Variants in PTPRT observed in about 807,000 individuals in gnomAD.
PTPRT encodes the protein receptor-type tyrosine-protein phosphatase T.
PTPRT carries 56 observed loss-of-function variants against 176.8 expected under a neutral mutation model. The observed-to-expected ratio is 0.32, with a 90% CI of 0.26 to 0.40. PTPRT has a LOEUF of 0.40. Ranked by LOEUF, PTPRT falls within the 10% of genes least tolerant of loss-of-function variation. The probability of loss-of-function intolerance (pLI) is 1.00; values close to 1 mark genes in which losing one functional copy is unlikely to be tolerated. For synonymous variants in PTPRT, 783 were observed against 739.0 expected (o/e 1.06, Z -0.96); for missense variants, 1,540 against 1,908.2 (o/e 0.81, Z 3.60).
intron 13 of PTPRT, among the ~76,000 whole-genome samples, chr20:42,260,647 A>G (rs1235161660): frequency 6.6e-6 from 1 of 152,158 alleles, no homozygotes; most frequent in Admixed American, 6.5e-5. Context: ...AGCAGCCAGT[A>G]TAGAGCCAAG....
At chr20:42,752,510 A>C (rs775071747) in intron 6 of PTPRT, among the ~76,000 whole-genome samples, 1 of 152,138 alleles carries the variant, frequency 6.6e-6, no homozygotes, top group Non-Finnish European at 1.5e-5. Flanking sequence ...AAGGGTGGGA[A>C]CCTGTGAGGA....
At chr20:42,343,250 G>A (rs915851902) in intron 11 of PTPRT, among the ~76,000 whole-genome samples, 5 of 152,052 alleles carry the variant, frequency 3.3e-5, no homozygotes, top group South Asian at 2.1e-4. Context: ...GCCACCATTC[G>A]CCTTTCCTGG....
intron 1 of PTPRT, among the ~76,000 whole-genome samples, chr20:43,009,956 C>T (rs566149022): frequency 6.6e-6 from 1 of 152,242 alleles, no homozygotes; most frequent in South Asian, 2.1e-4. Flanking sequence ...CCAGTGTGAA[C>T]TCAACACATC....
rs977531893 is a variant in PTPRT at position 42,452,295 on chromosome 20, TAAG to T, written c.1451-3969_1451-3967del. Among the ~76,000 whole-genome samples the T allele has an allele frequency of 6.1e-5, 9 of 147,760 alleles. 1 individual carries two copies. The highest frequency in any genetic ancestry group is 2.2e-4 in the African/African-American group (9 of 40,040). On this transcript the variant is annotated intron_variant, in intron 8 of 30. Coordinates refer to ENST00000373187, the MANE Select transcript of PTPRT (RefSeq NM_007050.6). ...AAAAAAAAAAAATTCAGAATAGAGG[TAAG>T]AAGAAGAGTGAGAAAGAAAGAGGAG... is the stretch of plus-strand genomic sequence containing the variant.
intron 7 of PTPRT, among the ~76,000 whole-genome samples, chr20:42,626,172 C>A (rs1361541256): frequency 6.6e-6 from 1 of 151,966 alleles, no homozygotes; most frequent in African/African-American, 2.4e-5. Flanking sequence ...TATTTTGAGG[C>A]TCATCTAGTT....
intron 2 of PTPRT, among the ~76,000 whole-genome samples, chr20:42,836,216 G>A (rs1020813428): frequency 4.0e-5 from 6 of 151,828 alleles, no homozygotes; most frequent in Admixed American, 1.3e-4. Flanking sequence ...TCCTCTCCCC[G>A]CCTCCCACAT....
chr20:42,820,748 C>T (rs1438423205), intron 2 of PTPRT, among the ~76,000 whole-genome samples: 2 of 152,084 alleles, frequency 1.3e-5, no homozygotes, highest in Non-Finnish European at 2.9e-5. Flanking sequence ...ACTGATCCCA[C>T]AGAAATACAA....
Position 42,448,307 on chromosome 20 carries a change from T to C in PTPRT, c.1473A>G (p.Glu491=). ...CCTCAAAGGGCCCCCCTTGGATGGA[T>C]TCTAGAGGAACAGCTCCTGGAACTA... ...EEDVPGAVPL[E]SIQGGPFEEK... Residue 491 remains glutamate, a synonymous_variant, in exon 9 of 31, where the codon GAA becomes GAG. Transcript: ENST00000373187. 6.2e-7 allele frequency: 1 copy of C among 1,613,130 alleles called. No individual in the cohort carries two copies.
chr20:42,659,665 G>A (rs1000869051), intron 7 of PTPRT, among the ~76,000 whole-genome samples: 1 of 152,288 alleles, frequency 6.6e-6, no homozygotes, highest in East Asian at 1.9e-4. Flanking sequence ...ACTATAAAAG[G>A]TAATTAAGGG....
intron 7 of PTPRT, among the ~76,000 whole-genome samples, chr20:42,645,841 T>C (rs1463581504): frequency 1.3e-5 from 2 of 151,392 alleles, no homozygotes; most frequent in Non-Finnish European, 2.9e-5. Flanking sequence ...AGAATAAATA[T>C]CTTGGTCATT....
In PTPRT at chr20:42,577,964, T is replaced by C. The variant is rs574036620; in HGVS notation, c.1153+99902A>G. 7.3e-5 allele frequency among the ~76,000 whole-genome samples: 11 copies of C among 149,982 alleles called. No homozygotes were observed. The East Asian group carries it at 2.2e-3, about 30-fold the overall frequency. ...GTGTGTGTGTGTGTGTGTGTGTGTG[T>C]GTGTGTAGGCATACCCACATGTGTG... On this transcript the variant is annotated intron_variant, in intron 7 of 30. Transcript: ENST00000373187.
chr20:42,770,006 G>T (rs2077039651), intron 5 of PTPRT, among the ~76,000 whole-genome samples: 1 of 152,180 alleles, frequency 6.6e-6, no homozygotes, highest in South Asian at 2.1e-4. Flanking sequence ...CGGAACTTTG[G>T]ACGCCATGCA....
At chr20:42,767,471 G>C (rs951294360) in intron 5 of PTPRT, among the ~76,000 whole-genome samples, 2 of 152,008 alleles carry the variant, frequency 1.3e-5, no homozygotes, top group African/African-American at 4.8e-5. Context: ...CCAGCTCGCA[G>C]ATGGCAGATC....
At chr20:42,478,846 A>G (rs1568915949) in intron 7 of PTPRT, among the ~76,000 whole-genome samples, 2 of 152,314 alleles carry the variant, frequency 1.3e-5, no homozygotes, top group South Asian at 2.1e-4. Context: ...GTGAGCCCCT[A>G]GATCTCCTCA....
At chr20:42,464,716 C>A (rs2071076258) in intron 8 of PTPRT, among the ~76,000 whole-genome samples, 2 of 152,210 alleles carry the variant, frequency 1.3e-5, no homozygotes, top group African/African-American at 4.8e-5. Context: ...ATAGCTTTCA[C>A]TCTTACACTA....
At chr20:43,025,476 GT>G (rs1427197365) in intron 1 of PTPRT, among the ~76,000 whole-genome samples, 1 of 152,194 alleles carries the variant, frequency 6.6e-6, no homozygotes, top group African/African-American at 2.4e-5. Context: ...GACCCTGAGG[GT>G]TGGAGTTGGA....
chr20:42,474,175 T>C (rs546477045), intron 7 of PTPRT, among the ~76,000 whole-genome samples: 10 of 152,162 alleles, frequency 6.6e-5, no homozygotes, highest in African/African-American at 2.4e-4. Flanking sequence ...TTGAATGCCT[T>C]GTGAGTGGCA....
intron 1 of PTPRT, among the ~76,000 whole-genome samples, chr20:42,929,927 T>C (rs1979726068): frequency 6.6e-6 from 1 of 152,208 alleles, no homozygotes; most frequent in Admixed American, 6.5e-5. Context: ...ACTAAATGGG[T>C]ATTGGAATGA....
chr20:42,381,064 T>C (rs2058694330), intron 9 of PTPRT, among the ~76,000 whole-genome samples: 3 of 152,122 alleles, frequency 2.0e-5, no homozygotes, highest in African/African-American at 7.2e-5. Flanking sequence ...GAACTCACTA[T>C]CGGGACAACA....
Sources: allele counts gnomAD v4.1 joint callset (sites outside exome capture counted in the v4.1 genomes callset), GRCh38; gene constraint gnomAD v4.1.1; transcripts MANE v1.5; gene names NCBI Gene and HGNC (gene_info 2026-07-23, HGNC 2026-07-21).